The following LUZP2 variants were observed in gnomAD, a reference collection of about 807,000 sequenced individuals.
The protein encoded by LUZP2 is leucine zipper protein 2.
LUZP2 carries 52 observed loss-of-function variants against 51.6 expected under a neutral mutation model. The observed-to-expected ratio is 1.01, with a 90% confidence interval of 0.81 to 1.27. The LOEUF (loss-of-function observed/expected upper bound fraction) is 1.27. LUZP2 is among the 50% of genes most tolerant of loss of function. The pLI, the probability that LUZP2 is intolerant of heterozygous loss-of-function variation, is 0.00. For synonymous variants in LUZP2, 154 were observed against 137.3 expected (o/e 1.12, Z -0.85); for missense variants, 436 against 395.4 (o/e 1.10, Z -0.87).
intron 5 of LUZP2, among the ~76,000 whole-genome samples, chr11:24,847,739 A>G (rs1310831431): frequency 6.6e-6 from 1 of 152,176 alleles, no homozygotes; most frequent in African/African-American, 2.4e-5. Context: ...TTTTTGCCAA[A>G]TATTGATTTT....
intron 9 of LUZP2, among the ~76,000 whole-genome samples, chr11:25,030,002 AACATAACC>A (rs2133988272): frequency 6.6e-6 from 1 of 152,274 alleles, no homozygotes; most frequent in East Asian, 1.9e-4. Flanking sequence ...TTTACCAACC[AACATAACC>A]ACATGATTTG....
At chr11:25,028,484 C>T (rs922396206) in intron 9 of LUZP2, among the ~76,000 whole-genome samples, 2 of 152,210 alleles carry the variant, frequency 1.3e-5, no homozygotes, top group South Asian at 2.1e-4. Flanking sequence ...GAGATTTTTT[C>T]ATCTGTAACA....
chr11:24,585,480 A>C (rs1037385418), intron 1 of LUZP2, among the ~76,000 whole-genome samples: 41 of 152,080 alleles, frequency 2.7e-4, no homozygotes, highest in African/African-American at 9.9e-4. Flanking sequence ...CCAACAGAAA[A>C]TATTTTTCCA....
intron 1 of LUZP2, among the ~76,000 whole-genome samples, chr11:24,597,991 C>T (rs1853499850): frequency 6.6e-6 from 1 of 151,686 alleles, no homozygotes; most frequent in Non-Finnish European, 1.5e-5. Flanking sequence ...ATCCCAGCTG[C>T]TTGAGAGGCT....
intron 4 of LUZP2, among the ~76,000 whole-genome samples, chr11:24,757,001 A>G (rs1859800067): frequency 1.3e-5 from 2 of 152,358 alleles, no homozygotes; most frequent in South Asian, 4.1e-4. Context: ...GCAATTAAAA[A>G]GTATACGAAG....
intron 1 of LUZP2, among the ~76,000 whole-genome samples, chr11:24,644,286 A>G (rs1414330567): frequency 6.6e-6 from 1 of 152,154 alleles, no homozygotes; most frequent in Non-Finnish European, 1.5e-5. Context: ...CTGCATGCAC[A>G]CTGCTGTGTT....
intron 9 of LUZP2, among the ~76,000 whole-genome samples, chr11:25,024,946 A>T (rs1310787241): frequency 6.6e-6 from 1 of 151,064 alleles, no homozygotes; most frequent in Non-Finnish European, 1.5e-5. Context: ...ACCAAAACAG[A>T]GATATAGACC....
chr11:25,023,012 G>A (rs528273204), intron 9 of LUZP2, among the ~76,000 whole-genome samples: 2 of 152,120 alleles, frequency 1.3e-5, no homozygotes, highest in Admixed American at 6.6e-5. Context: ...CTTGATTATG[G>A]TGGATAAACT....
intron 5 of LUZP2, among the ~76,000 whole-genome samples, chr11:24,858,010 T>A (rs1465601470): frequency 6.6e-6 from 1 of 152,146 alleles, no homozygotes; most frequent in East Asian, 1.9e-4. Flanking sequence ...TTCTTTTTTT[T>A]ATTTTTTAAT....
At chr11:24,932,214 A>C (rs1472215064) in intron 7 of LUZP2, among the ~76,000 whole-genome samples, 1 of 152,122 alleles carries the variant, frequency 6.6e-6, no homozygotes, top group Admixed American at 6.5e-5. Context: ...TGTTTATTAC[A>C]CTGGTTTTGT....
chr11:24,774,362 C>CTCTCTA lies in LUZP2; in HGVS notation c.396+11055_396+11056insCTCTAT, dbSNP rs776739280. 1.7e-3 allele frequency among the ~76,000 whole-genome samples: 132 copies of CTCTCTA among 76,306 alleles called. 3 individuals carry two copies. The highest frequency in any genetic ancestry group is 4.1e-3 in the African/African-American group (68 of 16,730). The allele number at this position is 76,306 out of a possible 152,430, so 50.1% of individuals were successfully genotyped here. On this transcript the variant is annotated intron_variant, in intron 5 of 11. Transcript: ENST00000336930. ...TCTCTCTCTCTCTCTCTCTCTCTCT[C>CTCTCTA]TATATATATATATATATATACATAC...
intron 9 of LUZP2, among the ~76,000 whole-genome samples, chr11:24,983,765 TA>T (rs368837231): frequency 2.7e-5 from 4 of 150,050 alleles, no homozygotes; most frequent in African/African-American, 4.9e-5. Context: ...GTATTTACAT[TA>T]AAAAAAAGCC....
intron 3 of LUZP2, among the ~76,000 whole-genome samples, chr11:24,733,755 T>A (rs1843702): frequency 0.78 from 117,700 of 151,094 alleles, 46,229 homozygotes; most frequent in Admixed American, 0.86. Flanking sequence ...AAAAAAATTT[T>A]AAAAAAACCA....
chr11:24,954,730 T>C (rs1029304482), intron 7 of LUZP2, among the ~76,000 whole-genome samples: 2 of 152,046 alleles, frequency 1.3e-5, no homozygotes, highest in African/African-American at 4.8e-5. Context: ...TAACATTCTA[T>C]TGGTGTACAT....
intron 5 of LUZP2, among the ~76,000 whole-genome samples, chr11:24,788,180 A>ATTTT (rs61308017): frequency 3.4e-4 from 28 of 83,358 alleles, no homozygotes; most frequent in East Asian, 3.6e-4. Flanking sequence ...TTTGTTTTTA[A>ATTTT]TTTTTTTTTT....
intron 5 of LUZP2, among the ~76,000 whole-genome samples, chr11:24,837,336 G>A (rs762673501): frequency 4.0e-5 from 6 of 151,794 alleles, no homozygotes; most frequent in Non-Finnish European, 5.9e-5. Context: ...ATGATGAATA[G>A]GATGTTGTCC....
chr11:24,991,705 T>C (rs1329478938), intron 9 of LUZP2, among the ~76,000 whole-genome samples: 1 of 152,010 alleles, frequency 6.6e-6, no homozygotes, highest in African/African-American at 2.4e-5. Flanking sequence ...TAGTGTTCCC[T>C]GTTCACTGCA....
At chr11:24,644,584 G>A (rs977987679) in intron 1 of LUZP2, among the ~76,000 whole-genome samples, 5 of 150,988 alleles carry the variant, frequency 3.3e-5, no homozygotes, top group South Asian at 2.1e-4. Context: ...TTTTATGCAC[G>A]TTTACCTTCC....
intron 5 of LUZP2, among the ~76,000 whole-genome samples, chr11:24,861,767 C>A (rs1281077605): frequency 6.6e-6 from 1 of 152,190 alleles, no homozygotes; most frequent in African/African-American, 2.4e-5. Flanking sequence ...ATTATTGTTT[C>A]CCCTTTCAGG....
Sources: gnomAD v4.1 joint callset for allele counts (sites outside exome capture counted in the v4.1 genomes callset) on GRCh38, gnomAD v4.1.1 for gene constraint, MANE v1.5 for transcripts, NCBI Gene and HGNC (gene_info 2026-07-23, HGNC 2026-07-21) for gene names.